The following WASHC3 variants were observed in gnomAD, a reference collection of about 807,000 sequenced individuals.
The protein encoded by WASHC3 is WASH complex subunit CCDC53.
In WASHC3, 24 loss-of-function variants were observed where a neutral mutation model predicts 26.1. That is an observed-to-expected ratio of 0.92 (90% CI 0.66 to 1.29). The LOEUF is 1.29. Ranked by LOEUF, WASHC3 falls within the 50% of genes most tolerant of loss-of-function variation. The pLI is 0.00. For missense variants in WASHC3, 214 were observed against 229.6 expected (o/e 0.93, Z 0.44); for synonymous variants, 77 against 75.7 (o/e 1.02, Z -0.09).
chr12:102,028,209 A>G (rs1036200392), intron 5 of WASHC3, among the ~76,000 whole-genome samples: 1 of 152,232 alleles, frequency 6.6e-6, no homozygotes, highest in African/African-American at 2.4e-5. Context: ...AATGAAATAT[A>G]TTTAAAAGCA....
chr12:102,028,693 G>A (rs1462670230), intron 5 of WASHC3, among the ~76,000 whole-genome samples: 3 of 151,682 alleles, frequency 2.0e-5, no homozygotes, highest in Non-Finnish European at 4.4e-5. Flanking sequence ...GAACAAGGAA[G>A]TTGGTAGAAT....
At chr12:102,024,698 G>A (rs1344085014) in intron 6 of WASHC3, among the ~76,000 whole-genome samples, 1 of 152,132 alleles carries the variant, frequency 6.6e-6, no homozygotes, top group Non-Finnish European at 1.5e-5. Flanking sequence ...CATTTTAAAG[G>A]TAATTTTAGC....
In WASHC3 at chr12:102,061,346, C is replaced by T. The variant is rs1878802689; in HGVS notation, c.52G>A (p.Val18Met). The change falls in exon 2 of 7, where the codon GTG (valine) becomes ATG (methionine). Residue 18 changes from valine to methionine, a missense_variant and splice_region_variant. Coordinates refer to ENST00000240079, the MANE Select transcript of WASHC3 (RefSeq NM_016053.4). ...GTTCTTTTCTGTTGAATAGCTGGCACCTGTGTTACGTAAAAACAAACATGG... is the reference window on the plus strand; with the variant it reads ...GTTCTTTTCTGTTGAATAGCTGGCATCTGTGTTACGTAAAAACAAACATGG... ...LMGSGIDLTK[V>M]PAIQQKRTVA... is the part of the protein sequence containing the mutation. 6.2e-7 allele frequency: 1 copy of T among 1,607,202 alleles called. No individual in the cohort carries two copies. Among genetic ancestry groups the T allele is most frequent in the East Asian group, 2.2e-5 (1 of 44,850 alleles).
At chr12:102,061,465 T>A (rs1488944196) in intron 1 of WASHC3, 119 bp from the exon 2 acceptor site, 2 of 701,302 alleles carry the variant, frequency 2.9e-6, no homozygotes, top group Non-Finnish European at 5.1e-6. Context: ...CTTGAAGGAC[T>A]GGGAATAGTC....
chr12:102,034,055 CTT>C (rs1877547833), intron 5 of WASHC3, among the ~76,000 whole-genome samples: 1 of 152,016 alleles, frequency 6.6e-6, no homozygotes. Context: ...AAGTGAAACA[CTT>C]TTCAGTATGA....
chr12:102,045,975 C>T (rs761468581), intron 3 of WASHC3, 79 bp downstream of exon 3: 36 of 775,768 alleles, frequency 4.6e-5, no homozygotes, highest in Non-Finnish European at 7.0e-5. Flanking sequence ...CTCCCAAATG[C>T]AATGAAAATT....
At chr12:102,057,833 A>G (rs1878652541) in intron 2 of WASHC3, among the ~76,000 whole-genome samples, 1 of 152,026 alleles carries the variant, frequency 6.6e-6, no homozygotes, top group Non-Finnish European at 1.5e-5. Flanking sequence ...GGTTGACACC[A>G]CTCAAAGCAA....
chr12:102,015,128 C>A (rs1164168287), intron 6 of WASHC3, among the ~76,000 whole-genome samples: 3 of 152,126 alleles, frequency 2.0e-5, no homozygotes, highest in African/African-American at 7.2e-5. Flanking sequence ...CAGGGCAAAA[C>A]ACCATCCTTT....
At chr12:102,020,704 G>A (rs1368952973) in intron 6 of WASHC3, among the ~76,000 whole-genome samples, 1 of 152,156 alleles carries the variant, frequency 6.6e-6, no homozygotes, top group Non-Finnish European at 1.5e-5. Flanking sequence ...AATCACTGAT[G>A]GAAACTACAC....
intron 2 of WASHC3, among the ~76,000 whole-genome samples, chr12:102,058,757 G>T (rs2136695600): frequency 6.6e-6 from 1 of 152,228 alleles, no homozygotes; most frequent in South Asian, 2.1e-4. Context: ...GTACTTGAAA[G>T]TTCACTGCAA....
chr12:102,035,447 CAGA>C (rs1043262687), intron 5 of WASHC3, among the ~76,000 whole-genome samples: 24 of 152,248 alleles, frequency 1.6e-4, no homozygotes, highest in African/African-American at 4.6e-4. Context: ...GCTTAGAAAA[CAGA>C]AGAAGAAGGA....
intron 6 of WASHC3, among the ~76,000 whole-genome samples, chr12:102,019,635 T>A (rs1876865485): frequency 6.6e-6 from 1 of 152,180 alleles, no homozygotes; most frequent in Non-Finnish European, 1.5e-5. Flanking sequence ...GTGGTTACAA[T>A]AAAAACACTA....
intron 6 of WASHC3, among the ~76,000 whole-genome samples, chr12:102,013,705 G>A (rs934742466): frequency 5.3e-5 from 8 of 152,180 alleles, no homozygotes; most frequent in Admixed American, 1.3e-4. Flanking sequence ...GTGCCTGGTC[G>A]AAGAAGGTTC....
At chr12:102,021,123 C>T (rs1876939475) in intron 6 of WASHC3, among the ~76,000 whole-genome samples, 1 of 151,932 alleles carries the variant, frequency 6.6e-6, no homozygotes, top group African/African-American at 2.4e-5. Context: ...ACAAACAAAA[C>T]ACCAAAACAC....
chr12:102,014,926 T>C (rs140837039), intron 6 of WASHC3, among the ~76,000 whole-genome samples: 3 of 152,364 alleles, frequency 2.0e-5, no homozygotes, highest in African/African-American at 7.2e-5. Flanking sequence ...ATTATTTTAA[T>C]ACCACATCAA....
intron 6 of WASHC3, among the ~76,000 whole-genome samples, chr12:102,018,377 A>G (rs2121322973): frequency 6.6e-6 from 1 of 152,310 alleles, no homozygotes; most frequent in Admixed American, 6.5e-5. Flanking sequence ...AAGGGATCAC[A>G]ATACTCTTTT....
chr12:102,030,911 T>C (rs1877407777), intron 5 of WASHC3, among the ~76,000 whole-genome samples: 1 of 152,188 alleles, frequency 6.6e-6, no homozygotes, highest in Non-Finnish European at 1.5e-5. Context: ...GCAGTATCAT[T>C]GCTTACTGCC....
intron 4 of WASHC3, among the ~76,000 whole-genome samples, chr12:102,040,770 T>C (rs1052607132): frequency 6.6e-6 from 1 of 152,092 alleles, no homozygotes; most frequent in African/African-American, 2.4e-5. Flanking sequence ...TAGATAGAAC[T>C]GCCTGTATAC....
chr12:102,049,309 G>A (rs979519883), intron 2 of WASHC3, among the ~76,000 whole-genome samples: 2 of 152,348 alleles, frequency 1.3e-5, no homozygotes, highest in South Asian at 2.1e-4. Context: ...ATGGATGACT[G>A]TGGATATAAC....
Sources: allele counts gnomAD v4.1 joint callset (sites outside exome capture counted in the v4.1 genomes callset), GRCh38; gene constraint gnomAD v4.1.1; transcripts MANE v1.5; gene names NCBI Gene and HGNC (gene_info 2026-07-23, HGNC 2026-07-21).